The following PCDHA1 variants were observed in gnomAD, a reference collection of about 807,000 sequenced individuals.
PCDHA1 encodes protocadherin alpha 1.
In PCDHA1, 42 loss-of-function variants were observed where a neutral mutation model predicts 61.3. That is an observed-to-expected ratio of 0.69 (90% CI 0.54 to 0.89). PCDHA1 has a LOEUF of 0.89. Among genes scored for constraint, PCDHA1 ranks in the 40% least tolerant of loss-of-function variants. The pLI, the probability that PCDHA1 is intolerant of heterozygous loss-of-function variation, is 0.00. For synonymous variants in PCDHA1, 610 were observed against 553.8 expected, an observed-to-expected ratio of 1.10 and a Z score of -1.43; for missense variants, 1,256 against 1,235.3, an observed-to-expected ratio of 1.02 and a Z score of -0.25.
chr5:140,848,483 C>CT, intron 1 of PCDHA1: 1 of 1,570,026 alleles, frequency 6.4e-7, no homozygotes. Flanking sequence ...TAGAAGAAGA[C>CT]TGAGTATTTG....
chr5:140,846,269 G>T (rs1676658281), intron 1 of PCDHA1, among the ~76,000 whole-genome samples: 1 of 148,838 alleles, frequency 6.7e-6, no homozygotes, highest in Admixed American at 6.7e-5. Context: ...ATGATTTAAA[G>T]TCAATTTATG....
At chr5:140,836,263 A>G in intron 1 of PCDHA1, 1 of 1,613,768 alleles carries the variant, frequency 6.2e-7, no homozygotes, top group Non-Finnish European at 8.5e-7. Context: ...GTGGGGCTGT[A>G]CACTGGTGAG....
intron 3 of PCDHA1, among the ~76,000 whole-genome samples, chr5:141,000,804 G>A (rs2097964510): frequency 6.6e-6 from 1 of 151,886 alleles, no homozygotes; most frequent in African/African-American, 2.4e-5. Flanking sequence ...CTACTCAGAA[G>A]GCTGAGGTGG....
intron 1 of PCDHA1, among the ~76,000 whole-genome samples, chr5:140,838,112 GT>G (rs1775545429): frequency 6.7e-6 from 1 of 149,312 alleles, no homozygotes; most frequent in Non-Finnish European, 1.5e-5. Context: ...GTGTGTGTGT[GT>G]GTGTGTGTGT....
chr5:140,787,180 C>T lies in PCDHA1; in HGVS notation c.890C>T (p.Ser297Phe). Reference protein sequence around the residue: ...RDIQEKFKVDSSSGEIRLIDK... With the variant: ...RDIQEKFKVDFSSGEIRLIDK... ...ATTCAAGAAAAATTCAAAGTTGATT[C>T]CAGCTCAGGAGAAATTAGGTTAATT... The change falls in exon 1 of 4, where the codon TCC becomes TTC. Residue 297 changes from serine to phenylalanine, a missense_variant. Transcript: ENST00000504120. 1.2e-6 allele frequency: 2 copies of T among 1,613,664 alleles called. No individual in the cohort carries two copies. Among genetic ancestry groups the T allele is most frequent in the Non-Finnish European group, 8.5e-7 (1 of 1,179,828 alleles).
chr5:140,929,927 G>A (rs2086481303), intron 1 of PCDHA1: 1 of 152,202 alleles, frequency 6.6e-6, no homozygotes, highest in Non-Finnish European at 1.5e-5. Flanking sequence ...ATAAAAAACA[G>A]TGTATTCTCT....
rs1761462556 is a variant in PCDHA1 at position 140,788,382 on chromosome 5, G to A, written c.2092G>A (p.Val698Met). 2 of 1,613,940 alleles carry A rather than the reference G, an allele frequency of 1.2e-6. No homozygotes were observed. Among genetic ancestry groups the A allele is most frequent in the Non-Finnish European group, 1.7e-6 (2 of 1,179,974 alleles). The change falls in exon 1 of 4, where the codon GTG (valine) becomes ATG (methionine). Residue 698 changes from valine to methionine, a missense_variant. Transcript: ENST00000504120. The part of the protein sequence containing the change: ...GPEAALVDVN[V>M]YLIIAICAVS... ...AGAGGCGGCGCTGGTGGATGTCAAC[G>A]TGTACCTGATCATCGCCATCTGCGC...
chr5:140,966,052 C>G (rs2095962967), intron 1 of PCDHA1, among the ~76,000 whole-genome samples: 1 of 152,158 alleles, frequency 6.6e-6, no homozygotes, highest in Admixed American at 6.5e-5. Context: ...GCCAGTAACC[C>G]CAGAGCGCCT....
intron 1 of PCDHA1, chr5:140,834,135 T>G: frequency 4.1e-6 from 2 of 483,320 alleles, no homozygotes; most frequent in Middle Eastern, 5.3e-4. Context: ...TTTCATCTGA[T>G]TAATAGTTTG....
intron 1 of PCDHA1, chr5:140,877,906 A>C: frequency 7.0e-7 from 1 of 1,435,008 alleles, no homozygotes; most frequent in Non-Finnish European, 9.2e-7. Flanking sequence ...TTATAACTAC[A>C]TTCTCTCATT....
At chr5:140,871,545 A>G (rs1554165721) in intron 1 of PCDHA1, 1 of 1,501,736 alleles carries the variant, frequency 6.7e-7, no homozygotes, top group Non-Finnish European at 8.9e-7. Context: ...GAAATTATTT[A>G]AAATCCAGTT....
chr5:140,844,637 A>T (rs2150372920), intron 1 of PCDHA1, among the ~76,000 whole-genome samples: 34 of 149,574 alleles, frequency 2.3e-4, no homozygotes, highest in African/African-American at 8.3e-4. Context: ...ACTATACATG[A>T]TAATTTCATT....
chr5:140,873,568 G>T (rs1319513835), intron 1 of PCDHA1, among the ~76,000 whole-genome samples: 1 of 149,090 alleles, frequency 6.7e-6, no homozygotes, highest in East Asian at 1.9e-4. Context: ...TTTCTAGTTT[G>T]GTTGTTTAAG....
Position 140,802,816 on chromosome 5 carries a change from C to T in PCDHA1, c.2394+14132C>T, listed in dbSNP as rs991420459. 6.2e-7 allele frequency: 1 copy of T among 1,613,350 alleles called. No homozygotes were observed. The highest frequency in any genetic ancestry group is 8.5e-7 in the Non-Finnish European group (1 of 1,179,874). On this transcript the variant is annotated intron_variant, in intron 1 of 3. Transcript: ENST00000504120. ...CAGTTCCAGGTGAGTGCGCGCGATG[C>T]GGGCGTGCCGCCTCTGGGCAGCAAC...
intron 1 of PCDHA1, among the ~76,000 whole-genome samples, chr5:140,839,079 C>T (rs1224426346): frequency 1.3e-5 from 2 of 151,864 alleles, no homozygotes; most frequent in African/African-American, 2.4e-5. Context: ...AGTCAAAAAC[C>T]TGTCTGATAA....
intron 1 of PCDHA1, chr5:140,876,814 G>A (rs571648883): frequency 1.1e-5 from 18 of 1,614,108 alleles, no homozygotes; most frequent in Non-Finnish European, 1.5e-5. Context: ...GGTGGCCGAC[G>A]TGAACGACAA....
chr5:140,928,672 GC>G (rs1466783332), intron 1 of PCDHA1: 1 of 1,614,058 alleles, frequency 6.2e-7, no homozygotes, highest in East Asian at 2.2e-5. Flanking sequence ...TGGTTCTAAT[GC>G]CTGGCTTTCC....
At chr5:140,796,486 G>T (rs549460778) in intron 1 of PCDHA1, 18 of 1,612,322 alleles carry the variant, frequency 1.1e-5, no homozygotes, top group South Asian at 5.5e-5. Context: ...GTCGAGCTAC[G>T]TTTCGGTGCA....
At chr5:140,792,248 C>T (rs1432783197) in intron 1 of PCDHA1, among the ~76,000 whole-genome samples, 1 of 152,098 alleles carries the variant, frequency 6.6e-6, no homozygotes, top group Non-Finnish European at 1.5e-5. Context: ...TCCTGTGTTA[C>T]TATATGCCTT....
Sources: allele counts gnomAD v4.1 joint callset (sites outside exome capture counted in the v4.1 genomes callset), GRCh38; gene constraint gnomAD v4.1.1; transcripts MANE v1.5; gene names NCBI Gene and HGNC (gene_info 2026-07-23, HGNC 2026-07-21).